Variants in PCNX2 observed in about 807,000 individuals in gnomAD.
PCNX2 encodes pecanex-like protein 2.
Under a neutral mutation model 223.8 loss-of-function variants are expected in PCNX2, and 168 were observed. The observed-to-expected ratio is 0.75, with a 90% CI of 0.66 to 0.85. The LOEUF is 0.85. Among genes scored for constraint, PCNX2 ranks in the 40% least tolerant of loss-of-function variants. The probability of loss-of-function intolerance (pLI) is 0.00; values close to 1 mark genes in which losing one functional copy is unlikely to be tolerated. For missense variants in PCNX2, 2,507 were observed against 2,675.5 expected (o/e 0.94, Z 1.39); for synonymous variants, 1,006 against 1,052.6 (o/e 0.96, Z 0.86).
At chr1:233,094,575 AGTTAG>A (rs200306000) in intron 22 of PCNX2, among the ~76,000 whole-genome samples, 2,147 of 152,288 alleles carry the variant, frequency 0.014, 32 homozygotes, top group Non-Finnish European at 0.018. Context: ...TTTTAAAAAA[AGTTAG>A]GGCCTGGAAG....
chr1:233,154,432 A>G (rs939284905), intron 19 of PCNX2, among the ~76,000 whole-genome samples: 1 of 152,190 alleles, frequency 6.6e-6, no homozygotes, highest in Non-Finnish European at 1.5e-5. Flanking sequence ...ATGCATCCAA[A>G]AAGTATAGCT....
intron 19 of PCNX2, among the ~76,000 whole-genome samples, chr1:233,144,966 GTTTC>G (rs1308991309): frequency 0.12 from 14,621 of 125,340 alleles, 2,169 homozygotes; most frequent in African/African-American, 0.37. Flanking sequence ...TTTTTTTTTT[GTTTC>G]TTTTTTTTTT....
intron 21 of PCNX2, among the ~76,000 whole-genome samples, chr1:233,108,155 G>T (rs1184007882): frequency 6.6e-6 from 1 of 152,196 alleles, no homozygotes; most frequent in East Asian, 1.9e-4. Context: ...GGGCTGCGTT[G>T]TCTGTGGAGG....
chr1:233,261,936 G>T, intron 3 of PCNX2, 109 bp downstream of exon 3: 1 of 1,507,720 alleles, frequency 6.6e-7, no homozygotes, highest in East Asian at 2.3e-5. Flanking sequence ...ACACGGGCCA[G>T]TGATTACAGC....
chr1:233,321,380 C>T, the PCNX2 span, among the ~76,000 whole-genome samples: 1 of 152,142 alleles, frequency 6.6e-6, no homozygotes, highest in Admixed American at 6.5e-5. Context: ...CCACTGCAAC[C>T]TCTGCCTCCC....
At chr1:233,099,182 T>C (rs1021182307) in intron 21 of PCNX2, among the ~76,000 whole-genome samples, 52 of 152,340 alleles carry the variant, frequency 3.4e-4, no homozygotes, top group African/African-American at 1.1e-3. Context: ...AACTTTACCA[T>C]GCCTCCTTGA....
the PCNX2 span, among the ~76,000 whole-genome samples, chr1:233,324,598 ATTTTTT>A: frequency 4.7e-5 from 6 of 127,546 alleles, no homozygotes; most frequent in Admixed American, 8.2e-5. Context: ...GTTTACTGAA[ATTTTTT>A]TTTTTTTTTT....
chr1:233,014,454 C>T (rs1389694089), intron 28 of PCNX2, among the ~76,000 whole-genome samples: 1 of 151,960 alleles, frequency 6.6e-6, no homozygotes, highest in Non-Finnish European at 1.5e-5. Flanking sequence ...GACTATTCCA[C>T]GTGAATGATA....
At chr1:233,201,931 G>A in intron 13 of PCNX2, 1 of 198,392 alleles carries the variant, frequency 5.0e-6, no homozygotes, top group Non-Finnish European at 1.1e-5. Context: ...TGCTCTGGCT[G>A]TGGGTGTAGA....
chr1:233,103,286 G>T (rs565524204), intron 21 of PCNX2, among the ~76,000 whole-genome samples: 36 of 152,136 alleles, frequency 2.4e-4, no homozygotes, highest in Non-Finnish European at 5.0e-4. Context: ...AAATAATCCA[G>T]TTATATTCTT....
intron 17 of PCNX2, among the ~76,000 whole-genome samples, chr1:233,167,336 AAG>A (rs71821384): frequency 0.08 from 11,900 of 148,506 alleles, 635 homozygotes; most frequent in East Asian, 0.3. Context: ...GTAGAATCTA[AAG>A]AGAGAGAGAG....
chr1:233,082,238 A>T (rs1673395914), intron 23 of PCNX2, among the ~76,000 whole-genome samples: 1 of 152,174 alleles, frequency 6.6e-6, no homozygotes, highest in African/African-American at 2.4e-5. Context: ...ATTAGAGAAG[A>T]TGAGCAGATG....
At chr1:233,028,517 G>A (rs533867283) in intron 25 of PCNX2, among the ~76,000 whole-genome samples, 1 of 152,246 alleles carries the variant, frequency 6.6e-6, no homozygotes, top group Admixed American at 6.5e-5. Context: ...CTTGAAGTCT[G>A]ATATTAATAA....
intron 25 of PCNX2, chr1:233,047,483 GCTCT>G: frequency 1.2e-6 from 1 of 802,726 alleles, no homozygotes; most frequent in African/African-American, 1.9e-5. Context: ...AACTAGGTTA[GCTCT>G]AAAAGATTTT....
intron 17 of PCNX2, among the ~76,000 whole-genome samples, chr1:233,164,886 G>A (rs1293148629): frequency 6.6e-6 from 1 of 152,026 alleles, no homozygotes; most frequent in Non-Finnish European, 1.5e-5. Flanking sequence ...GAGGGGAGAA[G>A]GAAGGGGGAG....
chr1:233,014,916 G>A (rs1410045476), intron 27 of PCNX2, 139 bp from the exon 28 acceptor site: 5 of 532,420 alleles, frequency 9.4e-6, no homozygotes, highest in Non-Finnish European at 1.7e-5. Context: ...CCCACAGACA[G>A]GGAATGCTCA....
At chr1:233,218,389 C>T (rs1434378423) in intron 10 of PCNX2, among the ~76,000 whole-genome samples, 1 of 150,264 alleles carries the variant, frequency 6.7e-6, no homozygotes, top group African/African-American at 2.5e-5. Context: ...GCTGGGACTA[C>T]AGGCACCCGC....
At chr1:233,213,897 T>C (rs113595085) in intron 12 of PCNX2, among the ~76,000 whole-genome samples, 33,850 of 145,482 alleles carry the variant, frequency 0.23, 4,739 homozygotes, top group African/African-American at 0.4. Flanking sequence ...GGCGCGATCT[T>C]GGCTCACTGC....
At chr1:233,274,222 T>A (rs1251566338) in intron 1 of PCNX2, among the ~76,000 whole-genome samples, 2 of 152,180 alleles carry the variant, frequency 1.3e-5, no homozygotes, top group Admixed American at 1.3e-4. Flanking sequence ...ACAGTCACCT[T>A]CCTTCTTTAG....
Sources: gnomAD v4.1 joint callset for allele counts (sites outside exome capture counted in the v4.1 genomes callset) on GRCh38, gnomAD v4.1.1 for gene constraint, MANE v1.5 for transcripts, NCBI Gene and HGNC (gene_info 2026-07-23, HGNC 2026-07-21) for gene names.